Variants in CNTN3 observed in about 807,000 individuals in gnomAD.
The protein encoded by CNTN3 is contactin 3.
Under a neutral mutation model 119.1 loss-of-function variants are expected in CNTN3, and 60 were observed. The observed-to-expected ratio is 0.50, with a 90% confidence interval of 0.41 to 0.62. The LOEUF is 0.62. Ranked by LOEUF, CNTN3 falls within the 20% of genes least tolerant of loss-of-function variation. The pLI is 0.00. For missense variants in CNTN3, 1,101 were observed against 1,242.4 expected (o/e 0.89, Z 1.71); for synonymous variants, 450 against 438.7 (o/e 1.03, Z -0.32).
chr3:74,552,747 G>A (rs769884133), intron 1 of CNTN3, among the ~76,000 whole-genome samples: 5 of 151,970 alleles, frequency 3.3e-5, no homozygotes, highest in African/African-American at 1.2e-4. Flanking sequence ...TTTCCCCCAC[G>A]CTGTCCTTAT....
At chr3:74,405,174 T>C (rs1388622235) in intron 5 of CNTN3, among the ~76,000 whole-genome samples, 1 of 152,078 alleles carries the variant, frequency 6.6e-6, no homozygotes, top group Non-Finnish European at 1.5e-5. Flanking sequence ...ACCTGAATAA[T>C]ATTTTTAAAT....
At chr3:74,546,567 T>C (rs1177693601) in intron 1 of CNTN3, among the ~76,000 whole-genome samples, 6 of 152,194 alleles carry the variant, frequency 3.9e-5, no homozygotes, top group South Asian at 2.1e-4. Context: ...ATCTTTTTCC[T>C]GTGCTGGATC....
chr3:74,501,072 A>G (rs553510156), intron 2 of CNTN3, among the ~76,000 whole-genome samples: 1 of 151,942 alleles, frequency 6.6e-6, no homozygotes, highest in Non-Finnish European at 1.5e-5. Context: ...CTTTGCCCTC[A>G]GCTTCCAGGA....
intron 1 of CNTN3, among the ~76,000 whole-genome samples, chr3:74,598,488 A>G (rs1269771899): frequency 1.3e-5 from 2 of 151,944 alleles, no homozygotes; most frequent in South Asian, 4.2e-4. Flanking sequence ...AATTATTTTT[A>G]TTTTTTTTGT....
chr3:74,383,035 A>G (rs1486294017), intron 5 of CNTN3, among the ~76,000 whole-genome samples: 2 of 152,234 alleles, frequency 1.3e-5, no homozygotes, highest in African/African-American at 2.4e-5. Flanking sequence ...CTGAAGAAAT[A>G]GCTGATTCAG....
intron 4 of CNTN3, among the ~76,000 whole-genome samples, chr3:74,425,436 G>A (rs1701680423): frequency 6.6e-6 from 1 of 152,094 alleles, no homozygotes; most frequent in Admixed American, 6.5e-5. Context: ...GCTGGATTCT[G>A]ATTTCTTTAT....
At chr3:74,435,535 CT>C (rs1160259993) in intron 4 of CNTN3, among the ~76,000 whole-genome samples, 2 of 149,972 alleles carry the variant, frequency 1.3e-5, no homozygotes, top group African/African-American at 5.1e-5. Context: ...GGCCCATATA[CT>C]TGTTTGGCTT....
At chr3:74,392,481 C>G (rs993907088) in intron 5 of CNTN3, among the ~76,000 whole-genome samples, 1 of 151,544 alleles carries the variant, frequency 6.6e-6, no homozygotes, top group African/African-American at 2.4e-5. Context: ...GGCTTTAGAA[C>G]ATCATAAAAG....
rs559056055 is a variant in CNTN3 at position 74,300,131 on chromosome 3, T to C, written c.2096-193A>G. Among the ~76,000 whole-genome samples, 18 of 152,264 alleles carry C rather than the reference T, an allele frequency of 1.2e-4. No individual in the cohort carries two copies. The South Asian group carries it at 3.5e-3, about 30-fold the overall frequency. On this transcript the variant is annotated intron_variant, in intron 16 of 22. Transcript: ENST00000263665. ...ATTTTTATGAGATCATCAAACAACA[T>C]ATTTACATGAAATCATAAAAAAATT... is the stretch of plus-strand genomic sequence containing the variant.
intron 1 of CNTN3, among the ~76,000 whole-genome samples, chr3:74,538,199 G>T (rs927319030): frequency 6.6e-6 from 1 of 152,132 alleles, no homozygotes; most frequent in South Asian, 2.1e-4. Flanking sequence ...CCCAACTACA[G>T]TGAGGCTTTT....
intron 4 of CNTN3, among the ~76,000 whole-genome samples, chr3:74,485,934 T>A (rs2107041588): frequency 6.6e-6 from 1 of 152,142 alleles, no homozygotes; most frequent in Non-Finnish European, 1.5e-5. Flanking sequence ...ATTTGTGAGG[T>A]CATCTGTGAT....
At chr3:74,375,931 G>A (rs1279573094) in intron 5 of CNTN3, among the ~76,000 whole-genome samples, 3 of 152,120 alleles carry the variant, frequency 2.0e-5, no homozygotes, top group Admixed American at 6.5e-5. Flanking sequence ...TAGCCATCTC[G>A]CTGTGAATTC....
intron 5 of CNTN3, among the ~76,000 whole-genome samples, chr3:74,378,343 C>T (rs1365374481): frequency 6.6e-6 from 1 of 152,166 alleles, no homozygotes; most frequent in Non-Finnish European, 1.5e-5. Context: ...TTTAACATTT[C>T]GTTGCATTAT....
chr3:74,605,591 T>C (rs1315056401), intron 1 of CNTN3, among the ~76,000 whole-genome samples: 1 of 152,116 alleles, frequency 6.6e-6, no homozygotes. Context: ...GTAACATAAG[T>C]CATCTGATAG....
intron 5 of CNTN3, among the ~76,000 whole-genome samples, chr3:74,390,226 TCCTGCAGTATTTCA>T (rs1172260727): frequency 2.0e-5 from 3 of 152,190 alleles, no homozygotes; most frequent in Admixed American, 1.3e-4. Context: ...GATTCCCAAA[TCCTGCAGTATTTCA>T]CCTGGGTGGG....
intron 13 of CNTN3, among the ~76,000 whole-genome samples, chr3:74,306,214 C>CAAAAAAA (rs79818182): frequency 2.4e-5 from 2 of 84,206 alleles, no homozygotes; most frequent in Non-Finnish European, 5.1e-5. Context: ...GAGAAATGTC[C>CAAAAAAA]AAAAAAAAAA....
chr3:74,482,916 G>A (rs1272626924), intron 4 of CNTN3, among the ~76,000 whole-genome samples: 14 of 152,016 alleles, frequency 9.2e-5, no homozygotes, highest in African/African-American at 3.4e-4. Flanking sequence ...TAATAATTTG[G>A]AATTACTCAT....
chr3:74,262,848 A>G lies in CNTN3; in HGVS notation c.*1553T>C, dbSNP rs954385950. The G allele has an allele frequency of 1.3e-5, 2 of 152,172 alleles. No homozygotes were observed. Among genetic ancestry groups the G allele is most frequent in the South Asian group, 2.1e-4 (1 of 4,830 alleles). 9.4% of individuals were successfully genotyped at this position (152,172 alleles called of 1,614,324 possible). ...GGAGAAAGTGGAAATAACAATGGTC[A>G]TATGAAATCTACTAGTCATTCAGAT... On this transcript the variant is annotated 3_prime_UTR_variant, in exon 23 of 23. Transcript: ENST00000263665.
chr3:74,413,853 G>C (rs1264052836), intron 5 of CNTN3, among the ~76,000 whole-genome samples: 1 of 152,142 alleles, frequency 6.6e-6, no homozygotes, highest in Non-Finnish European at 1.5e-5. Context: ...AAAGGAAGGG[G>C]ATCAATTCTG....
Sources: allele counts gnomAD v4.1 joint callset (sites outside exome capture counted in the v4.1 genomes callset), GRCh38; gene constraint gnomAD v4.1.1; transcripts MANE v1.5; gene names NCBI Gene and HGNC (gene_info 2026-07-23, HGNC 2026-07-21).